BMAL2: variants seen among roughly 807,000 people sequenced by gnomAD.
BMAL2 encodes the protein basic helix-loop-helix ARNT-like protein 2.
chr12:27,415,029 A>G, the BMAL2 span, among the ~76,000 whole-genome samples: 1 of 152,182 alleles, frequency 6.6e-6, no homozygotes, highest in Non-Finnish European at 1.5e-5. Flanking sequence ...AAAAAAGCTG[A>G]CTAAATAAAA....
chr12:27,374,137 A>G, the BMAL2 span, among the ~76,000 whole-genome samples: 6 of 152,224 alleles, frequency 3.9e-5, no homozygotes, highest in African/African-American at 1.4e-4. Context: ...TAAAATGCCA[A>G]TGATCAAAGC....
At chr12:27,352,233 G>A in the BMAL2 span, among the ~76,000 whole-genome samples, 1 of 152,124 alleles carries the variant, frequency 6.6e-6, no homozygotes, top group Non-Finnish European at 1.5e-5. Context: ...TGCCTTCTGG[G>A]AACATTATAT....
At chr12:27,410,129 A>G in the BMAL2 span, among the ~76,000 whole-genome samples, 1 of 151,466 alleles carries the variant, frequency 6.6e-6, no homozygotes, top group African/African-American at 2.4e-5. Context: ...AAATAGGAAC[A>G]CTTTTACACT....
At chr12:27,420,019 G>GCGCGCGCACACACACACACACACACACA in the BMAL2 span, among the ~76,000 whole-genome samples, 2 of 147,570 alleles carry the variant, frequency 1.4e-5, no homozygotes, top group African/African-American at 5.0e-5. Flanking sequence ...GTTTGCGCGT[G>GCGCGCGCACACACACACACACACACACA]CACACACACA....
chr12:27,388,001 C>T, the BMAL2 span, among the ~76,000 whole-genome samples: 1 of 151,922 alleles, frequency 6.6e-6, no homozygotes, highest in Non-Finnish European at 1.5e-5. Context: ...GATTGAAAAC[C>T]GATGAAACCT....
the BMAL2 span, among the ~76,000 whole-genome samples, chr12:27,356,061 G>A: frequency 6.6e-6 from 1 of 152,140 alleles, no homozygotes; most frequent in African/African-American, 2.4e-5. Flanking sequence ...TGCCTAAAAT[G>A]ATTTTTGGCC....
the BMAL2 span, among the ~76,000 whole-genome samples, chr12:27,384,518 T>C: frequency 6.6e-6 from 1 of 152,162 alleles, no homozygotes; most frequent in South Asian, 2.1e-4. Context: ...ACTCATATGA[T>C]AAATTTTAAT....
the BMAL2 span, chr12:27,376,281 T>C: frequency 7.1e-7 from 1 of 1,403,408 alleles, no homozygotes; most frequent in South Asian, 1.2e-5. Flanking sequence ...CACATCTATT[T>C]CTCTATCAAG....
chr12:27,335,202 CTTTGTTTTGT>C, the BMAL2 span, among the ~76,000 whole-genome samples: 23,872 of 152,040 alleles, frequency 0.16, 2,135 homozygotes, highest in East Asian at 0.3. Flanking sequence ...TTTTGTTTTG[CTTTGTTTTGT>C]TTTGTTTTGT....
the BMAL2 span, chr12:27,422,857 G>C: frequency 1.2e-4 from 19 of 152,224 alleles, no homozygotes; most frequent in African/African-American, 4.6e-4. Flanking sequence ...CTCAAAAGCA[G>C]ATGGGGGCAG....
the BMAL2 span, among the ~76,000 whole-genome samples, chr12:27,360,851 T>C: frequency 1.7e-5 from 2 of 119,354 alleles, no homozygotes; most frequent in Admixed American, 9.5e-5. Flanking sequence ...AGTGGTTAGA[T>C]GGGACCACAA....
the BMAL2 span, among the ~76,000 whole-genome samples, chr12:27,352,035 A>G: frequency 6.6e-6 from 1 of 152,154 alleles, no homozygotes; most frequent in Non-Finnish European, 1.5e-5. Context: ...CTAATTTTTT[A>G]GCTGTTCCCT....
At chr12:27,398,007 G>C in the BMAL2 span, among the ~76,000 whole-genome samples, 1 of 152,218 alleles carries the variant, frequency 6.6e-6, no homozygotes, top group Non-Finnish European at 1.5e-5. Flanking sequence ...GATCTCCTCT[G>C]GTCTCTGGAG....
the BMAL2 span, among the ~76,000 whole-genome samples, chr12:27,393,935 G>T: frequency 6.6e-6 from 1 of 152,256 alleles, no homozygotes; most frequent in Non-Finnish European, 1.5e-5. Flanking sequence ...AGATTACTCA[G>T]TTTTTTGGTG....
At chr12:27,408,849 T>C in the BMAL2 span, among the ~76,000 whole-genome samples, 40 of 152,266 alleles carry the variant, frequency 2.6e-4, 1 homozygote, top group South Asian at 1.0e-3. Context: ...AAAACCCCAT[T>C]GTCTCAGCCC....
chr12:27,370,897 C>T, the BMAL2 span, among the ~76,000 whole-genome samples: 2 of 151,924 alleles, frequency 1.3e-5, no homozygotes, highest in African/African-American at 2.4e-5. Flanking sequence ...AGCCACCGCA[C>T]CCGGCTGGAG....
chr12:27,337,643 G>A, the BMAL2 span, among the ~76,000 whole-genome samples: 1 of 152,134 alleles, frequency 6.6e-6, no homozygotes, highest in Non-Finnish European at 1.5e-5. Flanking sequence ...GAGAACTGGT[G>A]TGGGAAAATC....
chr12:27,348,437 A>T, the BMAL2 span, among the ~76,000 whole-genome samples: 79 of 152,312 alleles, frequency 5.2e-4, no homozygotes, highest in East Asian at 0.014. Flanking sequence ...GATACCAAAG[A>T]AGATTAAACT....
the BMAL2 span, chr12:27,400,469 A>G: frequency 7.6e-7 from 1 of 1,319,666 alleles, no homozygotes; most frequent in Non-Finnish European, 1.0e-6. Context: ...ATAGATGTCA[A>G]TATAAGAAAT....
Sources: gnomAD v4.1 joint callset for allele counts (sites outside exome capture counted in the v4.1 genomes callset) on GRCh38, gnomAD v4.1.1 for gene constraint, MANE v1.5 for transcripts, NCBI Gene and HGNC (gene_info 2026-07-23, HGNC 2026-07-21) for gene names.